Variants in N4BP1 observed in about 807,000 individuals in gnomAD.
N4BP1 encodes NEDD4-binding protein 1.
Under a neutral mutation model 70.9 loss-of-function variants are expected in N4BP1, and 21 were observed. The observed-to-expected ratio is 0.30, with a 90% CI of 0.21 to 0.43. The LOEUF (loss-of-function observed/expected upper bound fraction) is 0.43, where lower values mean the gene tolerates loss of function less well. N4BP1 is among the 20% of genes least tolerant of loss of function. The pLI, the probability that N4BP1 is intolerant of heterozygous loss-of-function variation, is 1.00. For synonymous variants in N4BP1, 387 were observed against 394.6 expected, an observed-to-expected ratio of 0.98 and a Z score of 0.23; for missense variants, 936 against 1,069.4, an observed-to-expected ratio of 0.88 and a Z score of 1.74.
chr16:48,602,057 T>C (rs538996580), intron 1 of N4BP1, among the ~76,000 whole-genome samples: 1 of 152,256 alleles, frequency 6.6e-6, no homozygotes, highest in Admixed American at 6.5e-5. Context: ...ACCCTGTCTC[T>C]ACCAAAAAAT....
intron 1 of N4BP1, among the ~76,000 whole-genome samples, chr16:48,574,759 C>G (rs1396302296): frequency 1.3e-5 from 2 of 152,308 alleles, no homozygotes; most frequent in East Asian, 3.9e-4. Flanking sequence ...ATAGCATATA[C>G]AACAATCTTT....
chr16:48,593,428 G>C (rs1474674687), intron 1 of N4BP1, among the ~76,000 whole-genome samples: 2 of 152,220 alleles, frequency 1.3e-5, no homozygotes, highest in African/African-American at 4.8e-5. Flanking sequence ...CCTAAGTTTA[G>C]AGGGTTAAAG....
intron 4 of N4BP1, among the ~76,000 whole-genome samples, chr16:48,548,923 A>G (rs1385149359): frequency 1.3e-5 from 2 of 152,160 alleles, no homozygotes; most frequent in Non-Finnish European, 2.9e-5. Flanking sequence ...GTTTAGACTA[A>G]GTTATAGATT....
chr16:48,550,123 A>C (rs923780201), intron 4 of N4BP1, among the ~76,000 whole-genome samples: 1 of 152,184 alleles, frequency 6.6e-6, no homozygotes. Context: ...TCTTCTCAAA[A>C]TTCTTTAGGG....
chr16:48,579,152 A>G (rs1964141598), intron 1 of N4BP1, among the ~76,000 whole-genome samples: 1 of 152,194 alleles, frequency 6.6e-6, no homozygotes, highest in African/African-American at 2.4e-5. Context: ...GATCTGTCCA[A>G]AATGTCAGAT....
chr16:48,574,945 A>G (rs990608236), intron 1 of N4BP1, among the ~76,000 whole-genome samples: 3 of 152,248 alleles, frequency 2.0e-5, no homozygotes, highest in Non-Finnish European at 4.4e-5. Context: ...CCACAGACAG[A>G]GTTGTCTGAC....
intron 1 of N4BP1, among the ~76,000 whole-genome samples, chr16:48,579,930 T>C (rs1964152430): frequency 1.3e-5 from 2 of 152,018 alleles, no homozygotes; most frequent in South Asian, 4.1e-4. Context: ...TACATACATA[T>C]ATATATATAT....
rs11866667 is a variant in N4BP1, at chr16:48,542,890, G to C, written c.*14C>G. 1.9e-6 allele frequency: 3 copies of C among 1,588,756 alleles called. No homozygotes were observed. Among genetic ancestry groups the C allele is most frequent in the East Asian group, 4.5e-5 (2 of 44,462 alleles). On this transcript the variant is annotated 3_prime_UTR_variant, in exon 7 of 7. Transcript: ENST00000262384. ...AGCCAGCCCTGAGCGCAAGCTCAGC[G>C]CTCAGCACAATCTTCAATCCAACAC... is the stretch of plus-strand genomic sequence containing the variant.
At chr16:48,599,128 G>C (rs1006482809) in intron 1 of N4BP1, among the ~76,000 whole-genome samples, 7 of 152,150 alleles carry the variant, frequency 4.6e-5, no homozygotes, top group African/African-American at 1.7e-4. Flanking sequence ...TGGTATATCT[G>C]AGTCGTATAC....
rs1001103375 is a variant in N4BP1 at position 48,541,875 on chromosome 16, A to C, written c.*1029T>G. 8 of 152,796 alleles carry C rather than the reference A, an allele frequency of 5.2e-5. No homozygotes were observed. Among genetic ancestry groups the C allele is most frequent in the Non-Finnish European group, 1.0e-4 (7 of 68,038 alleles). The allele number at this position is 152,796 out of a possible 1,614,324, so 9.5% of individuals were successfully genotyped here. A position where few individuals can be genotyped will look rare whatever the true frequency, so the allele number is the denominator to read the frequency against. On this transcript the variant is annotated 3_prime_UTR_variant, in exon 7 of 7. Coordinates refer to ENST00000262384, the MANE Select transcript of N4BP1 (RefSeq NM_153029.4). The stretch of plus-strand genomic sequence containing the variant: ...AATACAGGGGCTCTGGGATCCCCCC[A>C]CAGAAGCTACTAATGCTATTTATTG...
At chr16:48,608,404 G>A (rs1964618814) in intron 1 of N4BP1, among the ~76,000 whole-genome samples, 1 of 152,186 alleles carries the variant, frequency 6.6e-6, no homozygotes, top group Non-Finnish European at 1.5e-5. Context: ...TTAAATCTAA[G>A]AACATCAGGA....
At chr16:48,585,182 C>T (rs1341555090) in intron 1 of N4BP1, among the ~76,000 whole-genome samples, 6 of 152,094 alleles carry the variant, frequency 3.9e-5, no homozygotes, top group African/African-American at 1.4e-4. Flanking sequence ...GATCCACCCA[C>T]TCAGCCTCCC....
intron 1 of N4BP1, among the ~76,000 whole-genome samples, chr16:48,568,169 C>CATGCT (rs1444601122): frequency 6.6e-6 from 1 of 152,198 alleles, no homozygotes; most frequent in Admixed American, 6.5e-5. Flanking sequence ...TCCTGCATGG[C>CATGCT]ATGGCATGTC....
intron 1 of N4BP1, among the ~76,000 whole-genome samples, chr16:48,568,260 T>C (rs1486365890): frequency 6.6e-6 from 1 of 152,188 alleles, no homozygotes; most frequent in Non-Finnish European, 1.5e-5. Context: ...TCAAATCCCG[T>C]TGGTAAAAAT....
In N4BP1 at chr16:48,561,021, G is replaced by A; in HGVS notation, c.1622C>T (p.Ala541Val). 1 of 1,613,982 alleles carries A rather than the reference G, an allele frequency of 6.2e-7. No individual in the cohort carries two copies. The highest frequency in any genetic ancestry group is 1.1e-5 in the South Asian group (1 of 91,088). ...EPLLPNNMKS[A>V]CEKRLGCCSS... ...ACAACATCCTAAACGTTTTTCACAG[G>A]CAGATTTCATATTATTTGGAAGCAA... is the stretch of plus-strand genomic sequence containing the variant. Residue 541 changes from alanine (A) to valine (V), a missense_variant, in exon 2 of 7, where the codon GCC becomes GTC. Around this residue, in one of 4 missense-constraint regions of N4BP1, gnomAD observed 515 missense variants for 491.7 expected, o/e 1.05. Transcript: ENST00000262384.
Position 48,609,802 on chromosome 16 carries a change from C to G in N4BP1, c.171G>C (p.Gly57=), listed in dbSNP as rs1181795355. ...TGGCGCTGTGCACCGCCTCCTGCGC[C>G]CCGCAGAGCTGCAGCCAGATGCGCG... is the stretch of plus-strand genomic sequence containing the variant. The part of the protein sequence containing the change: ...LPARIWLQLC[G]AQEAVHSAKE... The change falls in exon 1 of 7, where the codon GGG becomes GGC. Residue 57 remains glycine, a synonymous_variant. Transcript: ENST00000262384. 1.4e-6 allele frequency: 2 copies of G among 1,468,344 alleles called. No individual in the cohort carries two copies. The highest frequency in any genetic ancestry group is 4.7e-5 in the Admixed American group (2 of 42,950). 91.0% of individuals were successfully genotyped at this position (1,468,344 alleles called of 1,614,324 possible).
At chr16:48,594,889 C>T (rs1450005599) in intron 1 of N4BP1, among the ~76,000 whole-genome samples, 2 of 152,228 alleles carry the variant, frequency 1.3e-5, no homozygotes, top group Non-Finnish European at 2.9e-5. Context: ...TGTGGCTGCC[C>T]TAAAATGTTT....
chr16:48,601,430 G>A (rs2151102550), intron 1 of N4BP1, among the ~76,000 whole-genome samples: 1 of 151,912 alleles, frequency 6.6e-6, no homozygotes. Context: ...AGAATTTATG[G>A]GTACAACATC....
rs1268732121 is a variant in N4BP1 at position 48,541,366 on chromosome 16, AAAC to A, written c.*1535_*1537del. On this transcript the variant is annotated 3_prime_UTR_variant, in exon 7 of 7. Coordinates refer to ENST00000262384, the MANE Select transcript of N4BP1 (RefSeq NM_153029.4). Reference sequence around the variant, plus strand: ...AGCTGGGTGACTTGGCCATAGGCCCAAACAATGGACAACCAGTTCCACATTAGG... The same window carrying A: ...AGCTGGGTGACTTGGCCATAGGCCCAAATGGACAACCAGTTCCACATTAGG... 1 of 151,152 alleles carries A rather than the reference AAAC, an allele frequency of 6.6e-6. No homozygotes were observed. The highest frequency in any genetic ancestry group is 1.5e-5 in the Non-Finnish European group (1 of 68,084). 9.4% of individuals were successfully genotyped at this position (151,152 alleles called of 1,614,324 possible). A position where few individuals can be genotyped will look rare whatever the true frequency, so the allele number is the denominator to read the frequency against.
Sources: allele counts gnomAD v4.1 joint callset (sites outside exome capture counted in the v4.1 genomes callset), GRCh38; gene constraint gnomAD v4.1.1; regional missense constraint gnomAD v4.1.1; transcripts MANE v1.5; gene names NCBI Gene and HGNC (gene_info 2026-07-23, HGNC 2026-07-21).